The following PPP1CB variants were observed in gnomAD, a reference collection of about 807,000 sequenced individuals.
PPP1CB encodes the protein protein phosphatase 1 catalytic subunit beta, also known as serine/threonine-protein phosphatase PP1-beta catalytic subunit.
A neutral mutation model predicts 43.7 loss-of-function variants in PPP1CB; 2 were observed. That is an observed-to-expected ratio of 0.05 (90% confidence interval 0.02 to 0.14). PPP1CB has a LOEUF of 0.14. Among genes scored for constraint, PPP1CB ranks in the 10% least tolerant of loss-of-function variants. The pLI, the probability that PPP1CB is intolerant of heterozygous loss-of-function variation, is 1.00. For missense variants in PPP1CB, 84 were observed against 398.0 expected, an observed-to-expected ratio of 0.21 and a Z score of 6.71; for synonymous variants, 136 against 135.6, an observed-to-expected ratio of 1.00 and a Z score of -0.02.
At chr2:28,751,736 C>G (rs1666273079), upstream of PPP1CB, 3 of 266,396 alleles carry the variant, frequency 1.1e-5, no homozygotes, top group South Asian at 1.0e-4. Flanking sequence ...GCACCGCGCG[C>G]CTGCGCGGAG....
intron 7 of PPP1CB, among the ~76,000 whole-genome samples, chr2:28,795,438 G>C (rs1012050269): frequency 7.2e-5 from 11 of 152,160 alleles, no homozygotes; most frequent in Admixed American, 1.3e-4. Flanking sequence ...ACTCCCACCA[G>C]CAATGTTTGA....
intron 7 of PPP1CB, 75 bp downstream of exon 7, chr2:28,794,072 G>A: frequency 3.1e-6 from 4 of 1,286,200 alleles, no homozygotes; most frequent in Non-Finnish European, 4.3e-6. Flanking sequence ...TTAGATTTGT[G>A]AAGTTTCCTT....
intron 4 of PPP1CB, 88 bp downstream of exon 4, chr2:28,781,930 A>G (rs760271256): frequency 1.1e-6 from 1 of 899,744 alleles, no homozygotes; most frequent in South Asian, 1.4e-5. Context: ...TGGGAAAACA[A>G]AGCAGTGCTT....
intron 1 of PPP1CB, among the ~76,000 whole-genome samples, chr2:28,764,060 A>AT (rs1322583694): frequency 2.6e-5 from 4 of 151,736 alleles, no homozygotes; most frequent in Admixed American, 1.3e-4. Context: ...CAGCTGCCTA[A>AT]TTTTTTTTCA....
chr2:28,789,353 C>G (rs1281969462), intron 6 of PPP1CB, among the ~76,000 whole-genome samples: 2 of 151,524 alleles, frequency 1.3e-5, no homozygotes, highest in African/African-American at 4.8e-5. Flanking sequence ...CAAAAAAAAT[C>G]AAAAATTTAG....
chr2:28,797,932 A>G (rs889205267), intron 7 of PPP1CB, among the ~76,000 whole-genome samples: 1 of 152,148 alleles, frequency 6.6e-6, no homozygotes, highest in African/African-American at 2.4e-5. Flanking sequence ...CTTAAAATGC[A>G]TTGGGGCTTT....
At chr2:28,761,929 C>T (rs1055578799) in intron 1 of PPP1CB, among the ~76,000 whole-genome samples, 5 of 152,072 alleles carry the variant, frequency 3.3e-5, no homozygotes, top group African/African-American at 1.2e-4. Context: ...TGAAAACGAG[C>T]TTTTATTTAT....
intron 1 of PPP1CB, among the ~76,000 whole-genome samples, chr2:28,752,850 G>A (rs557088689): frequency 6.6e-5 from 10 of 152,342 alleles, no homozygotes; most frequent in Non-Finnish European, 1.2e-4. Flanking sequence ...ATGTAGATGG[G>A]TTTGCTGAAG....
At chr2:28,776,633 T>C (rs1051821763) in intron 1 of PPP1CB, among the ~76,000 whole-genome samples, 1 of 152,146 alleles carries the variant, frequency 6.6e-6, no homozygotes, top group Non-Finnish European at 1.5e-5. Flanking sequence ...GGACTGCATT[T>C]CATCAACAGC....
At position 28,764,379 on chromosome 2, in the gene PPP1CB, G is replaced by T. The variant is rs571296299; in HGVS notation, c.52+12203G>T. Among the ~76,000 whole-genome samples, 363 of 150,598 alleles carry T rather than the reference G, an allele frequency of 2.4e-3. 4 individuals are homozygous for T. The highest frequency in any genetic ancestry group is 1.4e-3 in the Non-Finnish European group (96 of 67,820). On this transcript the variant is annotated intron_variant, in intron 1 of 7. Coordinates refer to ENST00000395366, the MANE Select transcript of PPP1CB (RefSeq NM_002709.3). ...GGAGGCTGAGGCAGGAGAATGGCGT[G>T]AACCCGGGAGGCAGAGCTTGCAGTG...
rs1190158871 is a variant in PPP1CB, at chr2:28,801,774, C to T, written c.*2471C>T. 1 of 152,032 alleles carries T rather than the reference C, an allele frequency of 6.6e-6. No homozygotes were observed. Among genetic ancestry groups the T allele is most frequent in the Admixed American group, 6.6e-5 (1 of 15,246 alleles). The allele number at this position is 152,032 out of a possible 1,614,324, so 9.4% of individuals were successfully genotyped here. ...TATGACATTCAGAAATCATGAAACA[C>T]AGTAGATATCTGTTATAATGTGGTG... On this transcript the variant is annotated 3_prime_UTR_variant, in exon 8 of 8. Coordinates refer to ENST00000395366, the MANE Select transcript of PPP1CB (RefSeq NM_002709.3).
At position 28,800,902 on chromosome 2, in the gene PPP1CB, T is replaced by A. The variant is rs1558314209; in HGVS notation, c.*1599T>A. On this transcript the variant is annotated 3_prime_UTR_variant, in exon 8 of 8. Coordinates refer to ENST00000395366, the MANE Select transcript of PPP1CB (RefSeq NM_002709.3). ...TTTATGAATTGGCACATTGTATTAC[T>A]TACTGCAAGAGATATTTCATTTTCA... The A allele has an allele frequency of 6.6e-6, 1 of 152,592 alleles. No homozygotes were observed. Among genetic ancestry groups the A allele is most frequent in the East Asian group, 1.9e-4 (1 of 5,206 alleles). The allele number at this position is 152,592 out of a possible 1,614,324, so 9.5% of individuals were successfully genotyped here. A position where few individuals can be genotyped will look rare whatever the true frequency, so the allele number is the denominator to read the frequency against.
chr2:28,758,382 G>A (rs368929874), intron 1 of PPP1CB, among the ~76,000 whole-genome samples: 5 of 152,274 alleles, frequency 3.3e-5, no homozygotes, highest in African/African-American at 9.6e-5. Context: ...ATTTCTGAAA[G>A]GTTATTCTCG....
chr2:28,775,565 C>T (rs1415524790), intron 1 of PPP1CB, among the ~76,000 whole-genome samples: 1 of 152,116 alleles, frequency 6.6e-6, no homozygotes, highest in Non-Finnish European at 1.5e-5. Context: ...TTTGTTGACA[C>T]AGGGCCTTGC....
intron 1 of PPP1CB, among the ~76,000 whole-genome samples, chr2:28,757,080 CT>C (rs928145661): frequency 3.3e-5 from 5 of 151,986 alleles, no homozygotes; most frequent in Admixed American, 1.3e-4. Flanking sequence ...CACTAATCTA[CT>C]TTTTTTTGTC....
rs933226192 is a variant in PPP1CB at position 28,802,627 on chromosome 2, A to G, written c.*3324A>G. 5.3e-5 allele frequency: 8 copies of G among 152,244 alleles called. No individual in the cohort carries two copies. The highest frequency in any genetic ancestry group is 1.4e-4 in the African/African-American group (6 of 41,464). The allele number at this position is 152,244 out of a possible 1,614,324, so 9.4% of individuals were successfully genotyped here. On this transcript the variant is annotated 3_prime_UTR_variant, in exon 8 of 8. Coordinates refer to ENST00000395366, the MANE Select transcript of PPP1CB (RefSeq NM_002709.3). Reference sequence around the variant, plus strand: ...ACTAGTTCCATATAAGTATACACCTAGAGTTTTAATTACCTTTATAATGTT... The same window carrying G: ...ACTAGTTCCATATAAGTATACACCTGGAGTTTTAATTACCTTTATAATGTT...
At chr2:28,789,065 A>G (rs1667333098) in intron 6 of PPP1CB, among the ~76,000 whole-genome samples, 1 of 152,024 alleles carries the variant, frequency 6.6e-6, no homozygotes, top group African/African-American at 2.4e-5. Context: ...AAGCCCTCTC[A>G]TTTTGTTTTG....
In PPP1CB at chr2:28,788,816, A is replaced by T; in HGVS notation, c.744+7A>T. On this transcript the variant is annotated splice_region_variant and intron_variant, in intron 6 of 7. Coordinates refer to ENST00000395366, the MANE Select transcript of PPP1CB (RefSeq NM_002709.3). ...GATTTGTCGAGCTCATCAGGTATGA[A>T]ATATAAAACTCTTAAGCTTTTTCTT... is the stretch of plus-strand genomic sequence containing the variant. The T allele has an allele frequency of 6.3e-7, 1 of 1,581,614 alleles. No homozygotes were observed. The highest frequency in any genetic ancestry group is 8.5e-7 in the Non-Finnish European group (1 of 1,170,664).
At chr2:28,769,895 G>C (rs932055912) in intron 1 of PPP1CB, among the ~76,000 whole-genome samples, 1 of 152,118 alleles carries the variant, frequency 6.6e-6, no homozygotes, top group South Asian at 2.1e-4. Flanking sequence ...GAGGAATGAA[G>C]AACAGATGGG....
Sources: gnomAD v4.1 joint callset for allele counts (sites outside exome capture counted in the v4.1 genomes callset) on GRCh38, gnomAD v4.1.1 for gene constraint, MANE v1.5 for transcripts, NCBI Gene and HGNC (gene_info 2026-07-23, HGNC 2026-07-21) for gene names.